CCDC157: variants seen among roughly 807,000 people sequenced by gnomAD.
CCDC157 encodes coiled-coil domain containing 157, also known as coiled-coil domain-containing protein 157.
CCDC157 carries 60 observed loss-of-function variants against 70.9 expected under a neutral mutation model. The ratio of observed to expected loss-of-function variants is 0.85; its 90% CI spans 0.69 to 1.05. CCDC157 has a LOEUF of 1.05. Ranked by LOEUF, CCDC157 falls within the 50% of genes least tolerant of loss-of-function variation. The pLI is 0.00. For synonymous variants in CCDC157, 373 were observed against 422.4 expected, an observed-to-expected ratio of 0.88 and a Z score of 1.43; for missense variants, 943 against 984.2, an observed-to-expected ratio of 0.96 and a Z score of 0.56.
Position 30,372,085 on chromosome 22 carries a change from C to G in CCDC157, c.1134C>G (p.Ala378=). 6.5e-7 allele frequency: 1 copy of G among 1,543,134 alleles called. No individual in the cohort carries two copies. The highest frequency in any genetic ancestry group is 1.4e-5 in the African/African-American group (1 of 73,146). Residue 378 remains alanine (A), a synonymous_variant, in exon 7 of 12, where the codon GCC becomes GCG. Coordinates refer to ENST00000338306, the MANE Select transcript of CCDC157 (RefSeq NM_001017437.5). ...RESTQAVEAK[A]QQLQEEGERR... is the part of the protein sequence containing the mutation. ...CACTTAATGCTGCAGAGGCAAAGGCCCAGCAGCTGCAGGAGGAAGGTGAGC... is the reference window on the plus strand; with the variant it reads ...CACTTAATGCTGCAGAGGCAAAGGCGCAGCAGCTGCAGGAGGAAGGTGAGC...
intron 1 of CCDC157, among the ~76,000 whole-genome samples, chr22:30,361,726 C>T (rs1932363121): frequency 6.6e-6 from 1 of 152,212 alleles, no homozygotes. Flanking sequence ...GTTTCCTCCT[C>T]TGTAGAAATG....
chr22:30,356,878 C>T (rs1209042350), upstream of CCDC157: 8 of 1,158,568 alleles, frequency 6.9e-6, no homozygotes, highest in Middle Eastern at 3.1e-4. Context: ...GTCAGTACGA[C>T]GAGCTCGCAA....
intron 2 of CCDC157, among the ~76,000 whole-genome samples, chr22:30,364,026 C>A (rs1932547209): frequency 6.6e-6 from 1 of 152,128 alleles, no homozygotes; most frequent in African/African-American, 2.4e-5. Flanking sequence ...TGTGGTGGTT[C>A]TCACCTGTAA....
intron 10 of CCDC157, chr22:30,376,027 A>AC (rs1304524031): frequency 1.6e-5 from 9 of 551,762 alleles, no homozygotes; most frequent in Non-Finnish European, 2.2e-5. Flanking sequence ...GTTTCTACAA[A>AC]AAAAAAAAGA....
chr22:30,368,358 T>C (rs1033283305), intron 3 of CCDC157, among the ~76,000 whole-genome samples: 3 of 152,228 alleles, frequency 2.0e-5, no homozygotes, highest in Non-Finnish European at 4.4e-5. Context: ...TGTGAAGCTG[T>C]CTCTGACATG....
In CCDC157 at chr22:30,370,525, G is replaced by C. The variant is rs1330442266; in HGVS notation, c.620G>C (p.Arg207Thr). 1 of 1,614,072 alleles carries C rather than the reference G, an allele frequency of 6.2e-7. No homozygotes were observed. The highest frequency in any genetic ancestry group is 8.5e-7 in the Non-Finnish European group (1 of 1,180,026). ...CCAGCCACGACCTTCAAGAACACCA[G>C]GAGTGTCCACTCCCAGACCATTGAG... ...QFPATTFKNT[R>T]SVHSQTIETA... The change falls in exon 5 of 12, where the codon AGG becomes ACG. Residue 207 changes from arginine (R) to threonine (T), a missense_variant. By Grantham distance (71) the Arg-to-Thr change is moderately conservative (BLOSUM62 -1). Coordinates refer to ENST00000338306, the MANE Select transcript of CCDC157 (RefSeq NM_001017437.5).
rs1365132654 is a variant in CCDC157, at chr22:30,374,328, A to C, written c.1672+237A>C. The C allele has an allele frequency of 4.7e-6, 3 of 637,612 alleles. No homozygotes were observed. In the East Asian group the frequency reaches 8.6e-5, roughly 18 times the overall value. The allele number at this position is 637,612 out of a possible 1,614,324, so 39.5% of individuals were successfully genotyped here. On this transcript the variant is annotated intron_variant, in intron 9 of 11. Transcript: ENST00000338306. The stretch of plus-strand genomic sequence containing the variant: ...AACAGTGATGTGACTGCCTCTAGTC[A>C]CAACAGCCAAACGCAGACACAGGTC...
rs769519943 is a variant in CCDC157 at position 30,372,150 on chromosome 22, AGCAGGTGCAGCAGTTGGAGGC to A, written c.1211_1231del (p.Gln404_Gln410del). On this transcript the variant is annotated inframe_deletion, in exon 7 of 12. Coordinates refer to ENST00000338306, the MANE Select transcript of CCDC157 (RefSeq NM_001017437.5). ...GAGAGGCAGGTGCAGCAGCTGGAGG[AGCAGGTGCAGCAGTTGGAGGC>A]GCAGGTGCAGCTGTTGGTGGGTCGG... The A allele has an allele frequency of 5.3e-5, 83 of 1,559,132 alleles. No individual in the cohort carries two copies. The highest frequency in any genetic ancestry group is 3.4e-4 in the South Asian group (29 of 84,884).
intron 2 of CCDC157, among the ~76,000 whole-genome samples, chr22:30,363,059 T>G (rs559290168): frequency 4.9e-4 from 75 of 152,128 alleles, no homozygotes; most frequent in African/African-American, 1.8e-3. Context: ...TGCTGGCAGG[T>G]GGGGAGGAGC....
chr22:30,365,356 A>G (rs982935138), intron 2 of CCDC157, among the ~76,000 whole-genome samples: 12 of 132,382 alleles, frequency 9.1e-5, no homozygotes, highest in African/African-American at 2.8e-4. Context: ...AGGGGAGACT[A>G]TGGGGTAGAG....
In CCDC157 at chr22:30,373,911, C is replaced by G. The variant is rs763618729; in HGVS notation, c.1504-12C>G. 1.2e-6 allele frequency: 2 copies of G among 1,602,166 alleles called. No homozygotes were observed. The highest frequency in any genetic ancestry group is 1.7e-6 in the Non-Finnish European group (2 of 1,174,444). ...CACTCAGGAGCCAGGCCTGAGCCTCCGTCTGTCCCAGGAGCTGCTGCAGAG... is the reference window on the plus strand; with the variant it reads ...CACTCAGGAGCCAGGCCTGAGCCTCGGTCTGTCCCAGGAGCTGCTGCAGAG... On this transcript the variant is annotated splice_polypyrimidine_tract_variant and intron_variant, in intron 8 of 11. Coordinates refer to ENST00000338306, the MANE Select transcript of CCDC157 (RefSeq NM_001017437.5).
rs1932987154 is a variant in CCDC157 at position 30,372,173 on chromosome 22, C to T, written c.1222C>T (p.Gln408Ter). The T allele has an allele frequency of 6.3e-7, 1 of 1,578,180 alleles. No homozygotes were observed. Among genetic ancestry groups the T allele is most frequent in the African/African-American group, 1.3e-5 (1 of 74,482 alleles). The part of the protein sequence containing the change: ...LEEQVQQLEA[Q>*]VQLLVGRLEG... ...GGAGCAGGTGCAGCAGTTGGAGGCG[C>T]AGGTGCAGCTGTTGGTGGGTCGGCT... The change falls in exon 7 of 12, where the codon CAG becomes TAG. Residue 408 changes from glutamine to a stop codon, truncating the protein, a stop_gained. Coordinates refer to ENST00000338306, the MANE Select transcript of CCDC157 (RefSeq NM_001017437.5). LOFTEE classifies it high-confidence loss of function.
chr22:30,366,099 G>T lies in CCDC157; in HGVS notation c.99G>T (p.Gly33=), dbSNP rs1569184660. The change falls in exon 3 of 12, where the codon GGG becomes GGT. Residue 33 remains glycine, a synonymous_variant. Coordinates refer to ENST00000338306, the MANE Select transcript of CCDC157 (RefSeq NM_001017437.5). ...GAIVDVFSRA[G]PVRFPSWKFP... is the part of the protein sequence containing the mutation. Reference sequence around the variant, plus strand: ...TCGTAGACGTCTTCTCCCGCGCCGGGCCTGTGCGCTTCCCCTCCTGGAAGT... The same window carrying T: ...TCGTAGACGTCTTCTCCCGCGCCGGTCCTGTGCGCTTCCCCTCCTGGAAGT... 13 of 1,612,516 alleles carry T rather than the reference G, an allele frequency of 8.1e-6. No individual in the cohort carries two copies. The highest frequency in any genetic ancestry group is 1.1e-5 in the Non-Finnish European group (13 of 1,179,960).
chr22:30,373,594 T>C lies in CCDC157; in HGVS notation c.1336-3T>C. 1 of 1,553,494 alleles carries C rather than the reference T, an allele frequency of 6.4e-7. No individual in the cohort carries two copies. Among genetic ancestry groups the C allele is most frequent in the Non-Finnish European group, 8.7e-7 (1 of 1,148,072 alleles). ...GCCTCCCTGCTTGTCCGTTCCTGCTTAGTCTCTGCAGGCCAAGCAGCGAGC... is the reference window on the plus strand; with the variant it reads ...GCCTCCCTGCTTGTCCGTTCCTGCTCAGTCTCTGCAGGCCAAGCAGCGAGC... On this transcript the variant is annotated splice_region_variant and splice_polypyrimidine_tract_variant and intron_variant, in intron 7 of 11. Transcript: ENST00000338306.
At chr22:30,360,258 C>A (rs1569181221) in intron 1 of CCDC157, among the ~76,000 whole-genome samples, 1 of 152,184 alleles carries the variant, frequency 6.6e-6, no homozygotes, top group East Asian at 1.9e-4. Context: ...AATCCCAGCA[C>A]TTTGGGAGGC....
In CCDC157 at chr22:30,369,551, T is replaced by C; in HGVS notation, c.368T>C (p.Phe123Ser). Reference sequence around the variant, plus strand: ...TCCGTGGGGCTCACGGTGCGGCGCTTCTGGGACAGCCTGCTGAGGCTGGGC... The same window carrying C: ...TCCGTGGGGCTCACGGTGCGGCGCTCCTGGGACAGCCTGCTGAGGCTGGGC... ...CMSVGLTVRR[F>S]WDSLLRLGTL... Residue 123 changes from phenylalanine to serine, a missense_variant, in exon 4 of 12, where the codon TTC (phenylalanine) becomes TCC (serine). By Grantham distance (155) the Phe-to-Ser change is radical. Coordinates refer to ENST00000338306, the MANE Select transcript of CCDC157 (RefSeq NM_001017437.5). 6.2e-7 allele frequency: 1 copy of C among 1,601,822 alleles called. No homozygotes were observed.
At chr22:30,371,505 C>G in intron 5 of CCDC157, 145 bp from the exon 6 acceptor site, 1 of 663,054 alleles carries the variant, frequency 1.5e-6, no homozygotes, top group Non-Finnish European at 2.6e-6. Context: ...CCGCTTCCAC[C>G]AGCCTCCCTA....
At position 30,375,641 on chromosome 22, in the gene CCDC157, T is replaced by C. The variant is rs762684793; in HGVS notation, c.1835T>C (p.Val612Ala). Reference protein sequence around the residue: ...LQSMLSKIREVAQQGGLKLIP... With the variant: ...LQSMLSKIREAAQQGGLKLIP... ...TCAATGCTGTCCAAAATCCGGGAAG[T>C]GGCCCAGCAGGGTGGCCTCAAGGTG... Residue 612 changes from valine (V) to alanine (A), a missense_variant, in exon 10 of 12, where the codon GTG becomes GCG. Coordinates refer to ENST00000338306, the MANE Select transcript of CCDC157 (RefSeq NM_001017437.5). The C allele has an allele frequency of 6.2e-7, 1 of 1,613,796 alleles. No homozygotes were observed. The highest frequency in any genetic ancestry group is 1.7e-5 in the Admixed American group (1 of 59,920).
Position 30,375,591 on chromosome 22 carries a change from A to G in CCDC157, c.1785A>G (p.Leu595=). The G allele has an allele frequency of 6.2e-7, 1 of 1,614,204 alleles. No individual in the cohort carries two copies. The highest frequency in any genetic ancestry group is 8.5e-7 in the Non-Finnish European group (1 of 1,180,036). ...VQSNDIRIRV[L]QEENGRLQSM... is the part of the protein sequence containing the mutation. Reference sequence around the variant, plus strand: ...CCAACGACATCCGCATCCGGGTCCTACAGGAGGAGAACGGGCGGCTCCAAT... The same window carrying G: ...CCAACGACATCCGCATCCGGGTCCTGCAGGAGGAGAACGGGCGGCTCCAAT... The change falls in exon 10 of 12, where the codon CTA becomes CTG. Residue 595 remains leucine (L), a synonymous_variant. Coordinates refer to ENST00000338306, the MANE Select transcript of CCDC157 (RefSeq NM_001017437.5).
Sources: allele counts gnomAD v4.1 joint callset (sites outside exome capture counted in the v4.1 genomes callset), GRCh38; gene constraint gnomAD v4.1.1; transcripts MANE v1.5; gene names NCBI Gene and HGNC (gene_info 2026-07-23, HGNC 2026-07-21).